The following CHN1 variants were observed in gnomAD, a reference collection of about 807,000 sequenced individuals.
CHN1 encodes the protein chimerin 1.
Under a neutral mutation model 59.5 loss-of-function variants are expected in CHN1, and 37 were observed. That is an observed-to-expected ratio of 0.62 (90% CI 0.48 to 0.82). The LOEUF (loss-of-function observed/expected upper bound fraction) is 0.82. Among genes scored for constraint, CHN1 ranks in the 40% least tolerant of loss-of-function variants. The probability of loss-of-function intolerance (pLI) is 0.00; values close to 1 mark genes in which losing one functional copy is unlikely to be tolerated. For synonymous variants in CHN1, 206 were observed against 200.4 expected, an observed-to-expected ratio of 1.03 and a Z score of -0.24; for missense variants, 469 against 571.0, an observed-to-expected ratio of 0.82 and a Z score of 1.82.
chr2:174,846,817 C>A, intron 7 of CHN1, 63 bp downstream of exon 7: 1 of 1,380,446 alleles, frequency 7.2e-7, no homozygotes, highest in South Asian at 1.5e-5. Context: ...TAAGATATTC[C>A]TTTAATATTA....
At chr2:174,831,352 A>G (rs193022528) in intron 7 of CHN1, among the ~76,000 whole-genome samples, 72 of 152,316 alleles carry the variant, frequency 4.7e-4, no homozygotes, top group African/African-American at 1.3e-3. Context: ...AAATGAATGC[A>G]AAGGTTGCAC....
chr2:174,804,441 G>A (rs1290706011), intron 11 of CHN1, among the ~76,000 whole-genome samples: 1 of 152,212 alleles, frequency 6.6e-6, no homozygotes, highest in African/African-American at 2.4e-5. Context: ...GAAAGGTCAT[G>A]ATGTGACATG....
intron 1 of CHN1, among the ~76,000 whole-genome samples, chr2:174,954,383 G>C (rs1183487477): frequency 6.6e-6 from 1 of 152,076 alleles, no homozygotes; most frequent in African/African-American, 2.4e-5. Context: ...TACTGGCTTA[G>C]GCAAAGACTT....
intron 5 of CHN1, among the ~76,000 whole-genome samples, chr2:174,885,240 A>T (rs2105341093): frequency 6.6e-6 from 1 of 151,590 alleles, no homozygotes. Context: ...ACGCCACTGC[A>T]CTCCAGCTTG....
intron 11 of CHN1, among the ~76,000 whole-genome samples, chr2:174,807,442 C>CTG (rs1160787258): frequency 2.6e-5 from 3 of 114,196 alleles, no homozygotes; most frequent in Non-Finnish European, 3.8e-5. Flanking sequence ...TTTTCACGGG[C>CTG]TATCTGTGTG....
Position 174,800,140 on chromosome 2 carries a change from G to T in CHN1, c.1356C>A (p.Ile452=), listed in dbSNP as rs766674434. 1 of 1,571,340 alleles carries T rather than the reference G, an allele frequency of 6.4e-7. No homozygotes were observed. Among genetic ancestry groups the T allele is most frequent in the South Asian group, 1.2e-5 (1 of 81,050 alleles). Reference sequence around the variant, plus strand: ...TTTAAAATAAAATGTCTTCGTTTTTGATAAGCAGCTCCACCACCAGTCTCT... The same window carrying T: ...TTTAAAATAAAATGTCTTCGTTTTTTATAAGCAGCTCCACCACCAGTCTCT... The part of the protein sequence containing the change: ...RYQRLVVELL[I]KNEDILF Residue 452 remains isoleucine, a synonymous_variant, in exon 13 of 13, where the codon ATC becomes ATA. Coordinates refer to ENST00000409900, the MANE Select transcript of CHN1 (RefSeq NM_001822.7).
rs1319797304 is a variant in CHN1 at position 174,799,614 on chromosome 2, T to A, written c.*502A>T. On this transcript the variant is annotated 3_prime_UTR_variant, in exon 13 of 13. Transcript: ENST00000409900. ...GAGAAGAACTAAGAGAAACCAGAAA[T>A]CATTTGTAAAATGTAGGCATGTGAT... 7.6e-6 allele frequency: 4 copies of A among 529,262 alleles called. No homozygotes were observed. The Admixed American group carries it at 8.9e-5, about 12-fold the overall frequency. The allele number at this position is 529,262 out of a possible 1,614,324, so 32.8% of individuals were successfully genotyped here.
intron 7 of CHN1, among the ~76,000 whole-genome samples, chr2:174,827,351 A>C (rs114588317): frequency 3.7e-4 from 57 of 152,344 alleles, no homozygotes; most frequent in African/African-American, 1.3e-3. Context: ...AAAATATTCT[A>C]ATCAAAATAT....
chr2:174,934,529 G>A (rs1689440934), intron 3 of CHN1, among the ~76,000 whole-genome samples: 1 of 152,216 alleles, frequency 6.6e-6, no homozygotes, highest in South Asian at 2.1e-4. Context: ...GTACCAGTCT[G>A]TGGCACAGGG....
chr2:174,973,254 T>C lies in CHN1; in HGVS notation c.20-21052A>G, dbSNP rs114628529. Reference sequence around the variant, plus strand: ...TGCTTCAACATATGATATGCAGAACTATCATGACAACATTTTGCCAGATCA... The same window carrying C: ...TGCTTCAACATATGATATGCAGAACCATCATGACAACATTTTGCCAGATCA... On this transcript the variant is annotated intron_variant, in intron 1 of 12. Coordinates refer to ENST00000409900, the MANE Select transcript of CHN1 (RefSeq NM_001822.7). Among the ~76,000 whole-genome samples the C allele has an allele frequency of 2.2e-3, 337 of 152,340 alleles. 2 individuals carry two copies. Among genetic ancestry groups the C allele is most frequent in the African/African-American group, 7.9e-3 (327 of 41,580 alleles).
Position 174,811,851 on chromosome 2 carries a change from C to T in CHN1, c.887-263G>A, listed in dbSNP as rs115391699. 4.4e-3 allele frequency among the ~76,000 whole-genome samples: 673 copies of T among 152,220 alleles called. 5 individuals are homozygous for T. The highest frequency in any genetic ancestry group is 0.015 in the African/African-American group (634 of 41,520). Reference sequence around the variant, plus strand: ...TCTTAAGGGAAATAATTCATCACCCCAATTACATCATAAATTCTTTTACAT... The same window carrying T: ...TCTTAAGGGAAATAATTCATCACCCTAATTACATCATAAATTCTTTTACAT... On this transcript the variant is annotated intron_variant, in intron 9 of 12. Coordinates refer to ENST00000409900, the MANE Select transcript of CHN1 (RefSeq NM_001822.7).
intron 7 of CHN1, among the ~76,000 whole-genome samples, chr2:174,826,229 G>A (rs1021584941): frequency 2.0e-5 from 3 of 152,186 alleles, no homozygotes; most frequent in Non-Finnish European, 4.4e-5. Flanking sequence ...TAAACTCAAA[G>A]TATTTCCTGG....
At chr2:174,808,791 G>C (rs1006401926) in intron 11 of CHN1, 114 bp downstream of exon 11, 2 of 1,117,092 alleles carry the variant, frequency 1.8e-6, no homozygotes, top group Non-Finnish European at 2.7e-6. Context: ...TAACCATAGA[G>C]AGAGGCAAAG....
At chr2:174,906,431 T>C (rs1688545780) in intron 5 of CHN1, among the ~76,000 whole-genome samples, 1 of 152,166 alleles carries the variant, frequency 6.6e-6, no homozygotes, top group Non-Finnish European at 1.5e-5. Flanking sequence ...GATTAGTGGT[T>C]GCCTAGGGCT....
At chr2:174,836,019 C>G (rs1686063465) in intron 7 of CHN1, among the ~76,000 whole-genome samples, 1 of 152,120 alleles carries the variant, frequency 6.6e-6, no homozygotes, top group Non-Finnish European at 1.5e-5. Flanking sequence ...CTCCAGAATG[C>G]CTTTTGTGTG....
At chr2:174,970,202 C>A (rs1239172886) in intron 1 of CHN1, among the ~76,000 whole-genome samples, 1 of 152,158 alleles carries the variant, frequency 6.6e-6, no homozygotes, top group African/African-American at 2.4e-5. Context: ...GCATAAAGCA[C>A]CATCTGTTGT....
At chr2:174,954,242 T>C (rs1293936868) in intron 1 of CHN1, among the ~76,000 whole-genome samples, 4 of 152,100 alleles carry the variant, frequency 2.6e-5, no homozygotes, top group Non-Finnish European at 5.9e-5. Context: ...GCAAGCCACA[T>C]GTAGAAGAAC....
chr2:174,991,781 G>A (rs1346901889), intron 1 of CHN1, among the ~76,000 whole-genome samples: 2 of 152,138 alleles, frequency 1.3e-5, no homozygotes, highest in Non-Finnish European at 1.5e-5. Flanking sequence ...TTCTACCCTG[G>A]AAATTGTTAA....
intron 3 of CHN1, among the ~76,000 whole-genome samples, chr2:174,937,658 G>A (rs547337709): frequency 6.6e-6 from 1 of 151,916 alleles, no homozygotes; most frequent in African/African-American, 2.4e-5. Flanking sequence ...AGAGCCTGGT[G>A]GGAGGTGTTT....
Sources: allele counts gnomAD v4.1 joint callset (sites outside exome capture counted in the v4.1 genomes callset), GRCh38; gene constraint gnomAD v4.1.1; transcripts MANE v1.5; gene names NCBI Gene and HGNC (gene_info 2026-07-23, HGNC 2026-07-21).